The following PEMT variants were observed in gnomAD, a reference collection of about 807,000 sequenced individuals.
The protein encoded by PEMT is phospholipid methyltransferase.
Under a neutral mutation model 27.4 loss-of-function variants are expected in PEMT, and 23 were observed. That is an observed-to-expected ratio of 0.84 (90% CI 0.60 to 1.19). PEMT has a LOEUF of 1.19. Ranked by LOEUF, PEMT falls within the 50% of genes most tolerant of loss-of-function variation. The pLI, the probability that PEMT is intolerant of heterozygous loss-of-function variation, is 0.00. For missense variants in PEMT, 307 were observed against 310.1 expected, an observed-to-expected ratio of 0.99 and a Z score of 0.07; for synonymous variants, 137 against 139.1, an observed-to-expected ratio of 0.98 and a Z score of 0.11.
chr17:17,567,285 C>T (rs910281426), intron 2 of PEMT, among the ~76,000 whole-genome samples: 6 of 152,244 alleles, frequency 3.9e-5, no homozygotes, highest in Non-Finnish European at 7.3e-5. Context: ...TGAGCTGACC[C>T]AGTTCGAGAC....
chr17:17,557,903 G>A (rs1043662499), intron 2 of PEMT, among the ~76,000 whole-genome samples: 7 of 152,198 alleles, frequency 4.6e-5, no homozygotes, highest in Admixed American at 4.6e-4. Flanking sequence ...ATCTCTAAGC[G>A]AATGGCCAGG....
At chr17:17,517,513 G>A (rs540740317) in intron 3 of PEMT, among the ~76,000 whole-genome samples, 2 of 152,344 alleles carry the variant, frequency 1.3e-5, no homozygotes, top group East Asian at 3.9e-4. Flanking sequence ...CCACATCCTT[G>A]AGCAGGTCCG....
intron 2 of PEMT, among the ~76,000 whole-genome samples, chr17:17,526,489 G>A (rs762921724): frequency 6.6e-6 from 1 of 152,270 alleles, no homozygotes; most frequent in Non-Finnish European, 1.5e-5. Context: ...GCAGGTGAGG[G>A]ATGAAAGGCT....
chr17:17,577,342 G>T, intron 1 of PEMT: 1 of 528,092 alleles, frequency 1.9e-6, no homozygotes, highest in Non-Finnish European at 2.8e-6. Context: ...AGACCCTCCT[G>T]GATGAGGGTT....
chr17:17,567,177 T>A (rs1411528540), intron 2 of PEMT, among the ~76,000 whole-genome samples: 1 of 152,194 alleles, frequency 6.6e-6, no homozygotes. Flanking sequence ...ATCGGCTCAG[T>A]GGGGATCCTG....
intron 2 of PEMT, among the ~76,000 whole-genome samples, chr17:17,544,747 G>C (rs1425992198): frequency 6.6e-6 from 1 of 152,142 alleles, no homozygotes; most frequent in Non-Finnish European, 1.5e-5. Flanking sequence ...GGCAGAACAG[G>C]GCGGCTTTCT....
At chr17:17,578,877 G>C (rs1208488499) in intron 1 of PEMT, 1 of 151,220 alleles carries the variant, frequency 6.6e-6, no homozygotes, top group Non-Finnish European at 1.5e-5. Context: ...GTATACCTAT[G>C]TACAAACCTC....
intron 2 of PEMT, among the ~76,000 whole-genome samples, chr17:17,540,893 C>T (rs891698411): frequency 6.6e-6 from 1 of 152,214 alleles, no homozygotes; most frequent in South Asian, 2.1e-4. Context: ...AGTAAATGTT[C>T]GCTGATTATA....
intron 2 of PEMT, among the ~76,000 whole-genome samples, chr17:17,543,775 C>T (rs1909054569): frequency 6.6e-6 from 1 of 152,230 alleles, no homozygotes; most frequent in African/African-American, 2.4e-5. Flanking sequence ...GTTGGCCAGG[C>T]TGGTCTTGAA....
intron 1 of PEMT, among the ~76,000 whole-genome samples, chr17:17,580,487 C>A (rs577567966): frequency 7.9e-5 from 12 of 151,820 alleles, no homozygotes; most frequent in Admixed American, 7.9e-4. Flanking sequence ...AAAAAAAAAA[C>A]AAAAACAAAA....
intron 2 of PEMT, among the ~76,000 whole-genome samples, chr17:17,527,643 C>T (rs1238357562): frequency 6.6e-6 from 1 of 152,232 alleles, no homozygotes; most frequent in Non-Finnish European, 1.5e-5. Context: ...CTACACCAGG[C>T]ACATGGGCGC....
In PEMT at chr17:17,523,266, A is replaced by C. The variant is rs1246798759; in HGVS notation, c.205-871T>G. ...CCAGAGTAGGCGCCTGTGTGTGCAC[A>C]GGAAGAGCCTCAGAGGCCTGCTCCC... On this transcript the variant is annotated intron_variant, in intron 2 of 6. Transcript: ENST00000255389. This position sits in a 1 kb window ranked among gnomAD's most constrained non-coding sequence, Gnocchi z 4.8. Among the ~76,000 whole-genome samples the C allele has an allele frequency of 1.3e-5, 2 of 152,222 alleles. No individual in the cohort carries two copies. Among genetic ancestry groups the C allele is most frequent in the Non-Finnish European group, 2.9e-5 (2 of 68,042 alleles).
chr17:17,551,558 C>T (rs776319744), intron 2 of PEMT, among the ~76,000 whole-genome samples: 1 of 152,178 alleles, frequency 6.6e-6, no homozygotes, highest in Non-Finnish European at 1.5e-5. Flanking sequence ...GGCTGAGATG[C>T]TTTCACTCTA....
intron 2 of PEMT, among the ~76,000 whole-genome samples, chr17:17,568,243 G>A (rs1910963557): frequency 6.6e-6 from 1 of 152,086 alleles, no homozygotes; most frequent in African/African-American, 2.4e-5. Context: ...AAGCCCACGT[G>A]GGCCAAGTGC....
intron 2 of PEMT, among the ~76,000 whole-genome samples, chr17:17,525,952 C>G (rs1597889838): frequency 6.6e-6 from 1 of 152,112 alleles, no homozygotes; most frequent in Admixed American, 6.6e-5. Context: ...TGAGATCGTG[C>G]CACTGCACTC....
chr17:17,507,327 G>T, intron 5 of PEMT: 1 of 736,758 alleles, frequency 1.4e-6, no homozygotes, highest in Non-Finnish European at 2.3e-6. Flanking sequence ...GGCTGCCCCT[G>T]TGCCAAGCTG....
At chr17:17,571,250 C>A (rs1373155137) in intron 2 of PEMT, among the ~76,000 whole-genome samples, 1 of 152,062 alleles carries the variant, frequency 6.6e-6, no homozygotes, top group Non-Finnish European at 1.5e-5. Context: ...AAATGAACAT[C>A]AGGTGGAGGA....
At chr17:17,550,404 TC>T (rs1446512404) in intron 2 of PEMT, among the ~76,000 whole-genome samples, 1 of 152,120 alleles carries the variant, frequency 6.6e-6, no homozygotes, top group Non-Finnish European at 1.5e-5. Context: ...GAATTTGGGG[TC>T]CCCTGTGGCA....
chr17:17,542,713 T>C lies in PEMT; in HGVS notation c.205-20318A>G, dbSNP rs1370026153. 9.2e-5 allele frequency among the ~76,000 whole-genome samples: 14 copies of C among 152,186 alleles called. 1 individual carries two copies. The highest frequency in any genetic ancestry group is 2.9e-5 in the Non-Finnish European group (2 of 68,026). ...GGGCTTTTCCACATGCACAAGTCCA[T>C]GAGATCCTCGCCTGGGCTCTGTGAA... is the stretch of plus-strand genomic sequence containing the variant. On this transcript the variant is annotated intron_variant, in intron 2 of 6. Transcript: ENST00000255389.
Sources: allele counts gnomAD v4.1 joint callset (sites outside exome capture counted in the v4.1 genomes callset), GRCh38; gene constraint gnomAD v4.1.1; non-coding constraint Gnocchi (gnomAD v3.1); transcripts MANE v1.5; gene names NCBI Gene and HGNC (gene_info 2026-07-23, HGNC 2026-07-21).